TIAM1: variants seen among roughly 807,000 people sequenced by gnomAD.
The protein encoded by TIAM1 is TIAM Rac1 associated GEF 1, also known as rho guanine nucleotide exchange factor TIAM1.
Under a neutral mutation model 163.5 loss-of-function variants are expected in TIAM1, and 65 were observed. The observed-to-expected ratio is 0.40, with a 90% CI of 0.33 to 0.49. The LOEUF (loss-of-function observed/expected upper bound fraction) is 0.49. TIAM1 is among the 20% of genes least tolerant of loss of function. TIAM1 has a pLI of 0.77. For synonymous variants in TIAM1, 833 were observed against 810.1 expected, an observed-to-expected ratio of 1.03 and a Z score of -0.48; for missense variants, 1,789 against 2,044.7, an observed-to-expected ratio of 0.87 and a Z score of 2.41.
chr21:31,487,391 G>C (rs1157108711), intron 1 of TIAM1, among the ~76,000 whole-genome samples: 1 of 152,046 alleles, frequency 6.6e-6, no homozygotes, highest in Non-Finnish European at 1.5e-5. Context: ...CTTTTTTTGA[G>C]AAGGAGTCTC....
Position 31,182,403 on chromosome 21 carries a change from CA to C in TIAM1, c.2887+17del. 6.6e-7 allele frequency: 1 copy of C among 1,519,062 alleles called. No individual in the cohort carries two copies. Among genetic ancestry groups the C allele is most frequent in the Non-Finnish European group, 8.8e-7 (1 of 1,136,452 alleles). The allele number at this position is 1,519,062 out of a possible 1,614,324, so 94.1% of individuals were successfully genotyped here. ...CAACGGAGTTCAGACTCGCCCCCAG[CA>C]CCCTGCACAGCCATACCTGGGTTGC... On this transcript the variant is annotated intron_variant, in intron 15 of 27. Coordinates refer to ENST00000541036, the MANE Select transcript of TIAM1 (RefSeq NM_001353694.2).
At chr21:31,227,076 C>T (rs1186095106) in intron 6 of TIAM1, among the ~76,000 whole-genome samples, 1 of 151,518 alleles carries the variant, frequency 6.6e-6, no homozygotes, top group African/African-American at 2.4e-5. Flanking sequence ...CATACCTCAG[C>T]CTCCCGAGTA....
intron 6 of TIAM1, among the ~76,000 whole-genome samples, chr21:31,228,530 T>C (rs889351102): frequency 1.3e-5 from 2 of 152,134 alleles, no homozygotes; most frequent in Non-Finnish European, 1.5e-5. Context: ...TGGGTGAAAC[T>C]GGACACCATC....
intron 2 of TIAM1, among the ~76,000 whole-genome samples, chr21:31,332,980 T>C (rs983866133): frequency 2.0e-5 from 3 of 151,188 alleles, no homozygotes; most frequent in Non-Finnish European, 4.4e-5. Context: ...ATGACTGCAG[T>C]CCCAGCCACT....
intron 2 of TIAM1, among the ~76,000 whole-genome samples, chr21:31,420,078 T>C (rs2043513054): frequency 6.6e-6 from 1 of 151,994 alleles, no homozygotes; most frequent in African/African-American, 2.4e-5. Context: ...ATAAATAAAC[T>C]ATATAACATC....
At chr21:31,489,364 G>C (rs1865175857) in intron 1 of TIAM1, among the ~76,000 whole-genome samples, 1 of 112,658 alleles carries the variant, frequency 8.9e-6, no homozygotes, top group Non-Finnish European at 1.9e-5. Flanking sequence ...ACAAGGTTGG[G>C]GGGGAGAGGA....
At chr21:31,551,804 T>G (rs969591119) in intron 1 of TIAM1, among the ~76,000 whole-genome samples, 2 of 152,086 alleles carry the variant, frequency 1.3e-5, no homozygotes, top group Non-Finnish European at 2.9e-5. Flanking sequence ...GTAGGTGAGA[T>G]GCAATTGCCA....
At chr21:31,446,164 C>G (rs2044615897) in intron 2 of TIAM1, among the ~76,000 whole-genome samples, 1 of 152,142 alleles carries the variant, frequency 6.6e-6, no homozygotes, top group Admixed American at 6.5e-5. Context: ...TGGTCTTGAA[C>G]TCCTGACCTC....
At chr21:31,489,779 G>A (rs1469641095) in intron 1 of TIAM1, among the ~76,000 whole-genome samples, 1 of 152,148 alleles carries the variant, frequency 6.6e-6, no homozygotes, top group Non-Finnish European at 1.5e-5. Flanking sequence ...CCCAGAGGGA[G>A]AGCCCTGGAG....
chr21:31,466,296 AG>A (rs931077140), intron 1 of TIAM1, among the ~76,000 whole-genome samples: 12 of 152,304 alleles, frequency 7.9e-5, no homozygotes, highest in African/African-American at 2.4e-4. Context: ...TATTAAAGTC[AG>A]GGGGATTCTT....
chr21:31,344,344 C>T (rs1256330646), upstream of TIAM1: 2 of 152,254 alleles, frequency 1.3e-5, no homozygotes, highest in African/African-American at 4.8e-5. Context: ...CCCACCATCA[C>T]CTCCCTCCTC....
intron 2 of TIAM1, among the ~76,000 whole-genome samples, chr21:31,411,348 G>A (rs1449418907): frequency 6.6e-6 from 1 of 152,120 alleles, no homozygotes; most frequent in African/African-American, 2.4e-5. Context: ...CAAACTTCTT[G>A]TAAGAGGCCA....
intron 2 of TIAM1, among the ~76,000 whole-genome samples, chr21:31,369,347 T>G (rs112076078): frequency 4.1e-4 from 63 of 152,262 alleles, no homozygotes; most frequent in African/African-American, 1.2e-3. Flanking sequence ...CAGATTCATA[T>G]GCTGAAATCC....
rs185095107 is a variant in TIAM1, at chr21:31,207,864, A to G, written c.2388+2181T>C. ...CTCAGCCTCCCAAAGTACTGGGATTACAGGTGTGAGCCACCGTGCCCGGCA... is the reference window on the plus strand; with the variant it reads ...CTCAGCCTCCCAAAGTACTGGGATTGCAGGTGTGAGCCACCGTGCCCGGCA... On this transcript the variant is annotated intron_variant, in intron 11 of 27. Transcript: ENST00000541036. Among the ~76,000 whole-genome samples, 207 of 152,316 alleles carry G rather than the reference A, an allele frequency of 1.4e-3. 1 individual carries two copies. The highest frequency in any genetic ancestry group is 2.5e-3 in the Admixed American group (39 of 15,302).
At chr21:31,415,645 G>A (rs934465521) in intron 2 of TIAM1, among the ~76,000 whole-genome samples, 9 of 152,168 alleles carry the variant, frequency 5.9e-5, no homozygotes, top group Admixed American at 3.9e-4. Flanking sequence ...AGAAATGGTA[G>A]GATTGTTGTG....
intron 13 of TIAM1, among the ~76,000 whole-genome samples, chr21:31,187,541 A>C (rs1322638556): frequency 6.6e-6 from 1 of 152,172 alleles, no homozygotes; most frequent in Non-Finnish European, 1.5e-5. Context: ...ACACTGCTTT[A>C]ATACAATTCT....
chr21:31,219,051 T>G (rs1459719519), intron 8 of TIAM1, among the ~76,000 whole-genome samples: 2 of 133,354 alleles, frequency 1.5e-5, no homozygotes, highest in East Asian at 4.8e-4. Context: ...TTTTTTTTTT[T>G]GACGGAGTCT....
At position 31,266,999 on chromosome 21, in the gene TIAM1, G is replaced by C. The variant is rs1269621924; in HGVS notation, c.-11-16C>G. 12 of 1,573,184 alleles carry C rather than the reference G, an allele frequency of 7.6e-6. No individual in the cohort carries two copies. Among genetic ancestry groups the C allele is most frequent in the Middle Eastern group, 1.7e-4 (1 of 5,862 alleles). On this transcript the variant is annotated splice_polypyrimidine_tract_variant and intron_variant, in intron 3 of 27. Coordinates refer to ENST00000541036, the MANE Select transcript of TIAM1 (RefSeq NM_001353694.2). ...GTTTTATGGTCTGCAGCAAAGCGGG[G>C]GGAAAGGGGAGAATTGAGTCACTAT...
intron 1 of TIAM1, among the ~76,000 whole-genome samples, chr21:31,536,165 G>A (rs1262393574): frequency 1.3e-5 from 2 of 152,156 alleles, no homozygotes; most frequent in East Asian, 3.9e-4. Flanking sequence ...ACAGGAATCG[G>A]CTCATTCACT....
Sources: gnomAD v4.1 joint callset for allele counts (sites outside exome capture counted in the v4.1 genomes callset) on GRCh38, gnomAD v4.1.1 for gene constraint, MANE v1.5 for transcripts, NCBI Gene and HGNC (gene_info 2026-07-23, HGNC 2026-07-21) for gene names.